TMEM184B: variants seen among roughly 807,000 people sequenced by gnomAD.
The protein encoded by TMEM184B is transmembrane protein 184B.
A neutral mutation model predicts 41.8 loss-of-function variants in TMEM184B; 17 were observed. The observed-to-expected ratio is 0.41, with a 90% CI of 0.28 to 0.61. The LOEUF (loss-of-function observed/expected upper bound fraction) is 0.61. Among genes scored for constraint, TMEM184B ranks in the 20% least tolerant of loss-of-function variants. TMEM184B has a pLI of 0.34. For synonymous variants in TMEM184B, 240 were observed against 229.5 expected, an observed-to-expected ratio of 1.05 and a Z score of -0.41; for missense variants, 393 against 557.8, an observed-to-expected ratio of 0.70 and a Z score of 2.98.
intron 5 of TMEM184B, among the ~76,000 whole-genome samples, chr22:38,228,602 G>A (rs2091519618): frequency 6.6e-6 from 1 of 152,184 alleles, no homozygotes; most frequent in Admixed American, 6.5e-5. Flanking sequence ...GTTGATCTGG[G>A]AATCTCTACT....
intron 1 of TMEM184B, among the ~76,000 whole-genome samples, chr22:38,262,152 G>A (rs923256044): frequency 1.3e-5 from 2 of 152,244 alleles, no homozygotes; most frequent in Admixed American, 6.5e-5. Flanking sequence ...GCCAGACACC[G>A]AGGAGTCCGT....
At chr22:38,227,254 A>G (rs556665227) in intron 5 of TMEM184B, among the ~76,000 whole-genome samples, 249 of 152,218 alleles carry the variant, frequency 1.6e-3, no homozygotes, top group African/African-American at 5.2e-3. Context: ...GATGCACACA[A>G]GGAAGCTTCT....
In TMEM184B at chr22:38,220,021, G is replaced by A. The variant is rs543164982; in HGVS notation, c.*1448C>T. ...AAAGAAAGAATCCCCAGTGAACACC[G>A]GCAGGGTCCCTCTCCCTTACCCTAC... On this transcript the variant is annotated 3_prime_UTR_variant, in exon 9 of 9. Transcript: ENST00000361906. 8.5e-4 allele frequency: 840 copies of A among 985,492 alleles called. 1 individual carries two copies. The highest frequency in any genetic ancestry group is 9.7e-4 in the Non-Finnish European group (802 of 829,966). 61.0% of individuals were successfully genotyped at this position (985,492 alleles called of 1,614,324 possible). A position where few individuals can be genotyped will look rare whatever the true frequency, so the allele number is the denominator to read the frequency against.
intron 8 of TMEM184B, 74 bp from the exon 9 acceptor site, chr22:38,221,784 G>A (rs575165246): frequency 1.0e-5 from 16 of 1,567,382 alleles, no homozygotes; most frequent in South Asian, 5.9e-5. Flanking sequence ...GCCCCTGCCC[G>A]TGATCCTGGG....
intron 3 of TMEM184B, among the ~76,000 whole-genome samples, chr22:38,234,281 C>T (rs7290309): frequency 0.46 from 69,707 of 151,972 alleles, 16,171 homozygotes; most frequent in South Asian, 0.56. Context: ...CACCATGCAG[C>T]GGGGAAGCAC....
At chr22:38,221,929 G>C (rs1233339444) in intron 8 of TMEM184B, 5 of 663,032 alleles carry the variant, frequency 7.5e-6, no homozygotes, top group Non-Finnish European at 1.3e-5. Flanking sequence ...GCTGGACTGT[G>C]AAGAGGAGCA....
rs1288605829 is a variant in TMEM184B at position 38,272,156 on chromosome 22, T to G, written c.-59+728A>C. Among the ~76,000 whole-genome samples the G allele has an allele frequency of 2.6e-5, 4 of 152,320 alleles. 1 individual carries two copies. The highest frequency in any genetic ancestry group is 4.1e-4 in the South Asian group (2 of 4,828). ...TTATACAACACCTCCAGAGGGGATA[T>G]GTATTGGGAATCCATGCCCAACCCC... On this transcript the variant is annotated intron_variant, in intron 1 of 8. Transcript: ENST00000361906.
At position 38,219,981 on chromosome 22, in the gene TMEM184B, T is replaced by C. The variant is rs1488325454; in HGVS notation, c.*1488A>G. 3 of 985,322 alleles carry C rather than the reference T, an allele frequency of 3.0e-6. No individual in the cohort carries two copies. Among genetic ancestry groups the C allele is most frequent in the African/African-American group, 3.5e-5 (2 of 57,214 alleles). The allele number at this position is 985,322 out of a possible 1,614,324, so 61.0% of individuals were successfully genotyped here. A position where few individuals can be genotyped will look rare whatever the true frequency, so the allele number is the denominator to read the frequency against. Reference sequence around the variant, plus strand: ...AGGTGGCAGGGAGGGAACCTGTTCATTCCAGGAAGGACCAAAAGAAAGAAT... The same window carrying C: ...AGGTGGCAGGGAGGGAACCTGTTCACTCCAGGAAGGACCAAAAGAAAGAAT... On this transcript the variant is annotated 3_prime_UTR_variant, in exon 9 of 9. Transcript: ENST00000361906.
intron 3 of TMEM184B, 125 bp from the exon 4 acceptor site, chr22:38,231,459 G>A: frequency 1.2e-6 from 1 of 825,242 alleles, no homozygotes; most frequent in Non-Finnish European, 2.1e-6. Context: ...AGGAGGCTGG[G>A]GGACATAAGG....
intron 1 of TMEM184B, among the ~76,000 whole-genome samples, chr22:38,260,663 G>A (rs1035401705): frequency 6.6e-6 from 1 of 152,132 alleles, no homozygotes; most frequent in African/African-American, 2.4e-5. Flanking sequence ...AGAGAGGGAC[G>A]GAATAATGAG....
chr22:38,220,260 T>C lies in TMEM184B; in HGVS notation c.*1209A>G. On this transcript the variant is annotated 3_prime_UTR_variant, in exon 9 of 9. Transcript: ENST00000361906. Reference sequence around the variant, plus strand: ...GGTGGTCCTGACCACTCCTGAGGCCTGTCCAAGGGCTCTGGGCCCAGCACT... The same window carrying C: ...GGTGGTCCTGACCACTCCTGAGGCCCGTCCAAGGGCTCTGGGCCCAGCACT... 1.0e-6 allele frequency: 1 copy of C among 985,892 alleles called. No homozygotes were observed. The highest frequency in any genetic ancestry group is 1.2e-6 in the Non-Finnish European group (1 of 830,030). 61.1% of individuals were successfully genotyped at this position (985,892 alleles called of 1,614,324 possible).
At chr22:38,222,152 G>A (rs1157351234) in intron 8 of TMEM184B, 2 of 206,216 alleles carry the variant, frequency 9.7e-6, no homozygotes, top group African/African-American at 2.3e-5. Flanking sequence ...CGGGGGAAGT[G>A]CTGTGCTCCC....
rs528889255 is a variant in TMEM184B, at chr22:38,219,610, C to A, written c.*1859G>T. On this transcript the variant is annotated 3_prime_UTR_variant, in exon 9 of 9. Transcript: ENST00000361906. Reference sequence around the variant, plus strand: ...GGTCGGGCACATGTTCCCGTCCCCACGACCCCACGGACCGCTGATTCCCTG... The same window carrying A: ...GGTCGGGCACATGTTCCCGTCCCCAAGACCCCACGGACCGCTGATTCCCTG... 7.7e-5 allele frequency: 76 copies of A among 985,350 alleles called. No homozygotes were observed. The highest frequency in any genetic ancestry group is 8.7e-5 in the Non-Finnish European group (72 of 829,936). The allele number at this position is 985,350 out of a possible 1,614,324, so 61.0% of individuals were successfully genotyped here.
At chr22:38,251,317 A>AGT (rs1427526037) in intron 1 of TMEM184B, among the ~76,000 whole-genome samples, 9 of 152,278 alleles carry the variant, frequency 5.9e-5, no homozygotes, top group Admixed American at 4.6e-4. Context: ...CTTTGAAGAA[A>AGT]GTAACATTAT....
chr22:38,272,651 G>C, intron 1 of TMEM184B: 2 of 985,542 alleles, frequency 2.0e-6, no homozygotes, highest in Non-Finnish European at 1.2e-6. Context: ...CGTGGAAAGG[G>C]AGCGGGCACA....
chr22:38,226,824 G>T lies in TMEM184B; in HGVS notation c.572C>A (p.Thr191Asn). 1 of 1,606,254 alleles carries T rather than the reference G, an allele frequency of 6.2e-7. No individual in the cohort carries two copies. The highest frequency in any genetic ancestry group is 8.5e-7 in the Non-Finnish European group (1 of 1,176,514). ...CTTGCCGAAGGCCTGGAGGACCACAGTGCTGACCGCCATGAGTGGCTTCAC... is the reference window on the plus strand; with the variant it reads ...CTTGCCGAAGGCCTGGAGGACCACATTGCTGACCGCCATGAGTGGCTTCAC... ...CVVKPLMAVS[T>N]VVLQAFGKYR... Residue 191 changes from threonine to asparagine, a missense_variant, in exon 6 of 9, where the codon ACT (threonine) becomes AAT (asparagine). Coordinates refer to ENST00000361906, the MANE Select transcript of TMEM184B (RefSeq NM_012264.5). This position sits in a 1 kb window ranked among gnomAD's most constrained non-coding sequence, Gnocchi z 4.6.
In TMEM184B at chr22:38,247,919, G is replaced by T. The variant is rs762546610; in HGVS notation, c.43C>A (p.Pro15Thr). ...CTGGGCGAGGCTGCTGCGGTCGTGG[G>T]CGACGCTGGATCCGGGGCCAGCACA... ...GDVLAPDPAS[P>T]TTAAASPSVS... Residue 15 changes from proline to threonine, a missense_variant, in exon 2 of 9, where the codon CCC (proline) becomes ACC (threonine). Physicochemically the swap from Pro to Thr is conservative, Grantham distance 38 (BLOSUM62 -1). This residue lies in a region of TMEM184B where 122 missense variants were observed against 123.7 expected (regional missense o/e 0.99). Coordinates refer to ENST00000361906, the MANE Select transcript of TMEM184B (RefSeq NM_012264.5). 6.2e-7 allele frequency: 1 copy of T among 1,601,554 alleles called. No homozygotes were observed. The highest frequency in any genetic ancestry group is 1.7e-5 in the Admixed American group (1 of 58,562).
downstream of TMEM184B, among the ~76,000 whole-genome samples, chr22:38,216,872 C>T (rs901396167): frequency 6.6e-6 from 1 of 151,734 alleles, no homozygotes; most frequent in African/African-American, 2.4e-5. Flanking sequence ...AGTGACACCC[C>T]ATCTCTACAA....
At chr22:38,245,387 G>A (rs940417943) in intron 3 of TMEM184B, among the ~76,000 whole-genome samples, 1 of 145,628 alleles carries the variant, frequency 6.9e-6, no homozygotes, top group Non-Finnish European at 1.5e-5. Flanking sequence ...GTACCTGCCT[G>A]AGACGCCAGC....
Sources: gnomAD v4.1 joint callset for allele counts (sites outside exome capture counted in the v4.1 genomes callset) on GRCh38, gnomAD v4.1.1 for gene constraint, gnomAD v4.1.1 regional missense constraint, Gnocchi (gnomAD v3.1) non-coding constraint, MANE v1.5 for transcripts, NCBI Gene and HGNC (gene_info 2026-07-23, HGNC 2026-07-21) for gene names.